AGBL1: variants seen among roughly 807,000 people sequenced by gnomAD.
AGBL1 encodes AGBL carboxypeptidase 1.
In AGBL1, 130 loss-of-function variants were observed where a neutral mutation model predicts 118.9. The ratio of observed to expected loss-of-function variants is 1.09; its 90% confidence interval spans 0.95 to 1.26. The LOEUF is 1.26. AGBL1 is among the 50% of genes most tolerant of loss of function. AGBL1 has a pLI of 0.00. For missense variants in AGBL1, 1,584 were observed against 1,298.1 expected, an observed-to-expected ratio of 1.22 and a Z score of -3.38; for synonymous variants, 555 against 478.9, an observed-to-expected ratio of 1.16 and a Z score of -2.08.
chr15:86,439,018 G>A (rs1159403741), intron 18 of AGBL1, among the ~76,000 whole-genome samples: 1 of 152,044 alleles, frequency 6.6e-6, no homozygotes, highest in Non-Finnish European at 1.5e-5. Context: ...TGCCTACCAA[G>A]CCCTATCTGC....
chr15:86,636,674 G>A (rs562442880), intron 21 of AGBL1, among the ~76,000 whole-genome samples: 1 of 98,476 alleles, frequency 1.0e-5, no homozygotes, highest in South Asian at 3.7e-4. Flanking sequence ...TATCATATTG[G>A]CTTACAGCTT....
chr15:86,843,148 G>A (rs2079269148), intron 22 of AGBL1, among the ~76,000 whole-genome samples: 1 of 152,240 alleles, frequency 6.6e-6, no homozygotes, highest in Non-Finnish European at 1.5e-5. Flanking sequence ...AACAGAAAAA[G>A]CAAGTTGCTT....
intron 22 of AGBL1, among the ~76,000 whole-genome samples, chr15:86,842,156 G>C (rs2079254859): frequency 6.6e-6 from 1 of 151,688 alleles, no homozygotes; most frequent in African/African-American, 2.4e-5. Flanking sequence ...TTCTCATTGA[G>C]AGTGTGAAAG....
At chr15:86,428,792 C>T (rs1323575516) in intron 18 of AGBL1, among the ~76,000 whole-genome samples, 1 of 152,148 alleles carries the variant, frequency 6.6e-6, no homozygotes, top group East Asian at 1.9e-4. Context: ...CTGAGTCTTT[C>T]CAAAAGCAAA....
intron 22 of AGBL1, among the ~76,000 whole-genome samples, chr15:86,897,842 TC>T (rs990200497): frequency 7.4e-6 from 1 of 135,722 alleles, no homozygotes; most frequent in African/African-American, 2.8e-5. Context: ...CAAACTCAGC[TC>T]ACTGCAGTTT....
chr15:86,505,923 C>G (rs960858787), intron 18 of AGBL1, among the ~76,000 whole-genome samples: 2 of 151,844 alleles, frequency 1.3e-5, no homozygotes, highest in African/African-American at 4.8e-5. Context: ...CTTCCCCAAA[C>G]CCAGGATTTA....
intron 16 of AGBL1, among the ~76,000 whole-genome samples, chr15:86,281,918 T>C (rs1015406367): frequency 2.6e-5 from 4 of 152,226 alleles, no homozygotes; most frequent in African/African-American, 9.6e-5. Flanking sequence ...TTATCTTTAA[T>C]GCTGAGTGCC....
intron 24 of AGBL1, among the ~76,000 whole-genome samples, chr15:87,005,212 C>T: frequency 6.6e-6 from 1 of 152,168 alleles, no homozygotes; most frequent in Middle Eastern, 3.4e-3. Context: ...CTTTCTCTGT[C>T]TTTCCTGAAT....
chr15:86,482,388 A>G (rs1275368976), intron 18 of AGBL1, among the ~76,000 whole-genome samples: 2 of 152,180 alleles, frequency 1.3e-5, no homozygotes, highest in Admixed American at 1.3e-4. Context: ...TATCCCCAGG[A>G]GTGTAGCTGC....
intron 22 of AGBL1, among the ~76,000 whole-genome samples, chr15:86,863,164 G>A (rs1320644854): frequency 1.3e-5 from 2 of 152,176 alleles, no homozygotes; most frequent in Non-Finnish European, 2.9e-5. Flanking sequence ...GCTGCATGGT[G>A]ATAGATAATG....
intron 18 of AGBL1, among the ~76,000 whole-genome samples, chr15:86,417,660 G>T (rs1189352231): frequency 1.3e-5 from 2 of 152,184 alleles, no homozygotes; most frequent in Admixed American, 1.3e-4. Context: ...ACTTCTTGTA[G>T]CATCTACATT....
intron 1 of AGBL1, among the ~76,000 whole-genome samples, chr15:86,125,249 C>T (rs1444309): frequency 0.18 from 27,596 of 152,138 alleles, 2,893 homozygotes; most frequent in Non-Finnish European, 0.23. Context: ...ACCAAGATAA[C>T]TGTTGCCTCT....
At chr15:86,340,547 G>C (rs1384604305) in intron 17 of AGBL1, among the ~76,000 whole-genome samples, 2 of 152,198 alleles carry the variant, frequency 1.3e-5, no homozygotes, top group Non-Finnish European at 2.9e-5. Flanking sequence ...GGCTCCAGAA[G>C]CTGGAAGAGG....
chr15:86,814,944 G>C (rs559708552), intron 22 of AGBL1, among the ~76,000 whole-genome samples: 1 of 152,112 alleles, frequency 6.6e-6, no homozygotes, highest in Non-Finnish European at 1.5e-5. Context: ...AGAAATGTAC[G>C]AATAAATGTT....
At chr15:86,384,335 G>A (rs931517832) in intron 17 of AGBL1, among the ~76,000 whole-genome samples, 2 of 152,098 alleles carry the variant, frequency 1.3e-5, no homozygotes, top group East Asian at 1.9e-4. Context: ...TGAGCCAGCC[G>A]GCAGGTCTGC....
chr15:86,804,641 GAC>G (rs1159691282), intron 22 of AGBL1, among the ~76,000 whole-genome samples: 8 of 152,266 alleles, frequency 5.3e-5, no homozygotes, highest in African/African-American at 1.7e-4. Flanking sequence ...TCTGGCCCAA[GAC>G]ACACCTCAAA....
At chr15:87,011,702 G>GTTTA (rs1404312781) in intron 24 of AGBL1, among the ~76,000 whole-genome samples, 1 of 152,174 alleles carries the variant, frequency 6.6e-6, no homozygotes, top group African/African-American at 2.4e-5. Context: ...CTGGAGAGGA[G>GTTTA]TTTATTTTGT....
At chr15:86,091,152 G>A (rs966360478) in intron 1 of AGBL1, among the ~76,000 whole-genome samples, 4 of 152,106 alleles carry the variant, frequency 2.6e-5, no homozygotes, top group African/African-American at 9.7e-5. Flanking sequence ...GATTTGCCTA[G>A]CAATATAATC....
At chr15:86,292,381 A>G (rs917444794) in intron 16 of AGBL1, among the ~76,000 whole-genome samples, 1 of 152,170 alleles carries the variant, frequency 6.6e-6, no homozygotes, top group Non-Finnish European at 1.5e-5. Flanking sequence ...TAGAAAAGGC[A>G]AGGGAAGAGA....
Sources: allele counts gnomAD v4.1 joint callset (sites outside exome capture counted in the v4.1 genomes callset), GRCh38; gene constraint gnomAD v4.1.1; transcripts MANE v1.5; gene names NCBI Gene and HGNC (gene_info 2026-07-23, HGNC 2026-07-21).